The following BICC1 variants were observed in gnomAD, a reference collection of about 807,000 sequenced individuals.
BICC1 encodes the protein protein bicaudal C homolog 1.
Under a neutral mutation model 111.0 loss-of-function variants are expected in BICC1, and 43 were observed. That is an observed-to-expected ratio of 0.39 (90% CI 0.30 to 0.50). The LOEUF is 0.50. Among genes scored for constraint, BICC1 ranks in the 20% least tolerant of loss-of-function variants. The pLI, the probability that BICC1 is intolerant of heterozygous loss-of-function variation, is 0.88. For synonymous variants in BICC1, 467 were observed against 434.4 expected (o/e 1.07, Z -0.93); for missense variants, 1,091 against 1,203.2 (o/e 0.91, Z 1.38).
chr10:58,800,866 C>CT (rs761075794), intron 13 of BICC1, 24 bp from the exon 14 acceptor site: 32 of 1,565,104 alleles, frequency 2.0e-5, no homozygotes, highest in Admixed American at 7.8e-5. Flanking sequence ...AGGTGTTTCA[C>CT]TTTTTTTTCC....
chr10:58,620,857 G>A lies in BICC1; in HGVS notation c.193G>A (p.Ala65Thr), dbSNP rs1250028715. The A allele has an allele frequency of 1.2e-6, 2 of 1,612,714 alleles. No individual in the cohort carries two copies. Among genetic ancestry groups the A allele is most frequent in the Non-Finnish European group, 1.7e-6 (2 of 1,179,616 alleles). ...RKKLEAMLQA[A>T]AEGKGRSGED... ...AATGTGCACATTTTTATTTACAGCT[G>A]CTGCTGAAGGGAAAGGCAGAAGTGG... Residue 65 changes from alanine (A) to threonine (T), a missense_variant and splice_region_variant, in exon 2 of 21, where the codon GCT becomes ACT. By Grantham distance (58) the Ala-to-Thr change is moderately conservative (BLOSUM62 0). Around this residue, in one of 3 missense-constraint regions of BICC1, gnomAD observed 843 missense variants for 900.8 expected, o/e 0.94. Transcript: ENST00000373886.
intron 20 of BICC1, among the ~76,000 whole-genome samples, chr10:58,821,834 A>G (rs532626344): frequency 5.9e-5 from 9 of 152,122 alleles, no homozygotes; most frequent in South Asian, 2.1e-4. Context: ...GAGTTTCCAA[A>G]CCTCTCTTGG....
intron 2 of BICC1, among the ~76,000 whole-genome samples, chr10:58,659,506 C>T (rs1047757762): frequency 2.6e-5 from 4 of 152,144 alleles, no homozygotes; most frequent in Non-Finnish European, 4.4e-5. Context: ...ACCATGTATT[C>T]TCACTTATAA....
intron 3 of BICC1, among the ~76,000 whole-genome samples, chr10:58,741,995 C>T (rs1412291382): frequency 6.6e-6 from 1 of 152,088 alleles, no homozygotes; most frequent in African/African-American, 2.4e-5. Flanking sequence ...GGAGATGCCT[C>T]GTAGGCAGTT....
chr10:58,823,934 G>A (rs1844323217), intron 20 of BICC1: 1 of 985,194 alleles, frequency 1.0e-6, no homozygotes, highest in South Asian at 4.7e-5. Flanking sequence ...TAATAACTGT[G>A]TTTCTGGAGG....
intron 2 of BICC1, among the ~76,000 whole-genome samples, chr10:58,688,781 A>T (rs1162040271): frequency 6.6e-6 from 1 of 152,170 alleles, no homozygotes; most frequent in Admixed American, 6.5e-5. Context: ...ACACAGGAAC[A>T]TAAAACCAAC....
chr10:58,753,576 G>A (rs570576130), intron 3 of BICC1, among the ~76,000 whole-genome samples: 1 of 152,254 alleles, frequency 6.6e-6, no homozygotes, highest in East Asian at 1.9e-4. Flanking sequence ...CCCAGCATCA[G>A]TTTCTAGATA....
At chr10:58,786,001 G>A (rs1843001264) in intron 4 of BICC1, among the ~76,000 whole-genome samples, 2 of 151,938 alleles carry the variant, frequency 1.3e-5, no homozygotes, top group South Asian at 2.1e-4. Context: ...CAGGAAAGGG[G>A]GATTTTTTTG....
chr10:58,811,601 A>T (rs1409329058), intron 17 of BICC1, among the ~76,000 whole-genome samples: 1 of 152,198 alleles, frequency 6.6e-6, no homozygotes, highest in Non-Finnish European at 1.5e-5. Flanking sequence ...TAAGCACCTT[A>T]TGTGTTCCAG....
chr10:58,565,522 C>G (rs376452543), intron 1 of BICC1, among the ~76,000 whole-genome samples: 1 of 152,204 alleles, frequency 6.6e-6, no homozygotes, highest in Admixed American at 6.5e-5. Flanking sequence ...TCTCATCCTT[C>G]ACAGCAGCTG....
chr10:58,774,237 T>C lies in BICC1; in HGVS notation c.308-10764T>C, dbSNP rs1042193774. 3.3e-5 allele frequency among the ~76,000 whole-genome samples: 5 copies of C among 152,178 alleles called. No homozygotes were observed. In the South Asian group the frequency reaches 6.2e-4, roughly 19 times the overall value. ...GCACAACAAATAAAAAGAGATAAAGTTGAGAAACTGCATGGCAAAAAGCCT... is the reference window on the plus strand; with the variant it reads ...GCACAACAAATAAAAAGAGATAAAGCTGAGAAACTGCATGGCAAAAAGCCT... On this transcript the variant is annotated intron_variant, in intron 3 of 20. Transcript: ENST00000373886.
At chr10:58,733,331 A>AC (rs908534792) in intron 3 of BICC1, among the ~76,000 whole-genome samples, 7 of 152,348 alleles carry the variant, frequency 4.6e-5, no homozygotes, top group Admixed American at 6.5e-5. Flanking sequence ...GTGAGCTTTA[A>AC]CATGTCCTTT....
intron 3 of BICC1, among the ~76,000 whole-genome samples, chr10:58,763,219 T>C (rs933223984): frequency 2.6e-5 from 4 of 152,172 alleles, no homozygotes. Flanking sequence ...AAATATATGG[T>C]AGTTACTTTA....
At chr10:58,804,197 C>T (rs954429928) in intron 15 of BICC1, among the ~76,000 whole-genome samples, 1 of 151,954 alleles carries the variant, frequency 6.6e-6, no homozygotes, top group African/African-American at 2.4e-5. Context: ...AAAGCTATGG[C>T]CTTTATAATG....
intron 1 of BICC1, among the ~76,000 whole-genome samples, chr10:58,597,928 C>CA (rs1844876089): frequency 1.3e-5 from 2 of 152,024 alleles, no homozygotes; most frequent in Admixed American, 1.3e-4. Context: ...TGTTCAAACA[C>CA]ACATGTTTTA....
intron 1 of BICC1, among the ~76,000 whole-genome samples, chr10:58,602,013 G>A (rs1845058483): frequency 6.6e-6 from 1 of 152,098 alleles, no homozygotes; most frequent in East Asian, 1.9e-4. Flanking sequence ...AACTATTAAA[G>A]AGAATAAACT....
intron 1 of BICC1, among the ~76,000 whole-genome samples, chr10:58,582,163 C>T (rs968509266): frequency 1.3e-5 from 2 of 152,114 alleles, no homozygotes; most frequent in Admixed American, 6.5e-5. Context: ...TCTTAGTGGA[C>T]ATTTCTGTTG....
chr10:58,715,095 A>G (rs1486051599), intron 3 of BICC1, among the ~76,000 whole-genome samples: 1 of 151,966 alleles, frequency 6.6e-6, no homozygotes, highest in Non-Finnish European at 1.5e-5. Context: ...AAAAATAATA[A>G]TTAGGAGGGA....
chr10:58,735,879 A>G (rs1007157477), intron 3 of BICC1, among the ~76,000 whole-genome samples: 3 of 152,186 alleles, frequency 2.0e-5, no homozygotes, highest in African/African-American at 7.2e-5. Context: ...CTCGACCCCA[A>G]ATAAACTTGG....
Sources: gnomAD v4.1 joint callset for allele counts (sites outside exome capture counted in the v4.1 genomes callset) on GRCh38, gnomAD v4.1.1 for gene constraint, gnomAD v4.1.1 regional missense constraint, MANE v1.5 for transcripts, NCBI Gene and HGNC (gene_info 2026-07-23, HGNC 2026-07-21) for gene names.